CDK19: variants seen among roughly 807,000 people sequenced by gnomAD.
CDK19 encodes the protein cyclin dependent kinase 19, also known as cyclin-dependent kinase 19.
CDK19 carries 20 observed loss-of-function variants against 68.3 expected under a neutral mutation model. That is an observed-to-expected ratio of 0.29 (90% CI 0.21 to 0.43). CDK19 has a LOEUF of 0.43. CDK19 is among the 20% of genes least tolerant of loss of function. The pLI is 1.00. For synonymous variants in CDK19, 221 were observed against 222.8 expected, an observed-to-expected ratio of 0.99 and a Z score of 0.07; for missense variants, 339 against 623.5, an observed-to-expected ratio of 0.54 and a Z score of 4.86.
intron 4 of CDK19, among the ~76,000 whole-genome samples, chr6:110,651,232 A>ATCTATCTATCTAT (rs142094350): frequency 6.7e-6 from 1 of 149,820 alleles, no homozygotes; most frequent in African/African-American, 2.5e-5. Context: ...AAATAGATCT[A>ATCTATCTATCTAT]CTATCTATCT....
chr6:110,712,334 A>T (rs1775005363), intron 2 of CDK19, among the ~76,000 whole-genome samples: 1 of 152,208 alleles, frequency 6.6e-6, no homozygotes, highest in Non-Finnish European at 1.5e-5. Context: ...ATTTCCAGGT[A>T]CTAATACTCT....
intron 1 of CDK19, among the ~76,000 whole-genome samples, chr6:110,768,022 G>A (rs1276106158): frequency 6.6e-6 from 1 of 152,076 alleles, no homozygotes; most frequent in Non-Finnish European, 1.5e-5. Flanking sequence ...CCTTTCTTGA[G>A]AGGAGCTCTG....
intron 1 of CDK19, among the ~76,000 whole-genome samples, chr6:110,799,803 A>G (rs1782224240): frequency 1.3e-5 from 2 of 152,142 alleles, no homozygotes; most frequent in African/African-American, 2.4e-5. Flanking sequence ...AAGTCTCACT[A>G]TATTGCTTAG....
chr6:110,670,526 T>C lies in CDK19; in HGVS notation c.220A>G (p.Lys74Glu). The change falls in exon 3 of 13, where the codon AAG becomes GAG. Residue 74 changes from lysine to glutamate, a missense_variant. Transcript: ENST00000368911. ...TGCAATGCAATCACATTAGGGTGCTTCAATTCTCGCAAAAGCTGAATGCAA... is the reference window on the plus strand; with the variant it reads ...TGCAATGCAATCACATTAGGGTGCTCCAATTCTCGCAAAAGCTGAATGCAA... ...CREIALLREL[K>E]HPNVIALQKV... 6.2e-7 allele frequency: 1 copy of C among 1,609,554 alleles called. No homozygotes were observed. Among genetic ancestry groups the C allele is most frequent in the South Asian group, 1.1e-5 (1 of 90,940 alleles).
chr6:110,681,746 A>T (rs536880035), intron 2 of CDK19, among the ~76,000 whole-genome samples: 4 of 152,354 alleles, frequency 2.6e-5, no homozygotes, highest in African/African-American at 9.6e-5. Flanking sequence ...AACAGCAATT[A>T]AGTAGACCAT....
chr6:110,814,966 G>T, intron 1 of CDK19, 43 bp downstream of exon 1: 1 of 1,596,850 alleles, frequency 6.3e-7, no homozygotes, highest in Non-Finnish European at 8.5e-7. Flanking sequence ...CGCGGGCAGG[G>T]CGAGGACCCG....
chr6:110,763,410 T>G (rs561878760), intron 1 of CDK19, among the ~76,000 whole-genome samples: 1 of 147,434 alleles, frequency 6.8e-6, no homozygotes. Context: ...ACCACTCTTA[T>G]TATGTTTTTT....
At chr6:110,701,386 C>CAAA (rs58069740) in intron 2 of CDK19, among the ~76,000 whole-genome samples, 70 of 124,542 alleles carry the variant, frequency 5.6e-4, no homozygotes, top group African/African-American at 2.0e-3. Flanking sequence ...ACTAAAAATA[C>CAAA]AAAAAAAAAA....
intron 2 of CDK19, among the ~76,000 whole-genome samples, chr6:110,697,496 G>GA (rs1259216260): frequency 6.6e-6 from 1 of 152,078 alleles, no homozygotes; most frequent in Admixed American, 6.6e-5. Flanking sequence ...AAACACTGCT[G>GA]AAAGAAGTCA....
intron 4 of CDK19, among the ~76,000 whole-genome samples, chr6:110,661,949 A>G (rs188439190): frequency 0.014 from 2,112 of 149,296 alleles, 51 homozygotes; most frequent in African/African-American, 0.05. Flanking sequence ...AACTCCACAC[A>G]TTTTATTTAT....
rs548129906 is a variant in CDK19, at chr6:110,621,235, C to T, written c.1246G>A (p.Val416Ile). 4 of 1,613,216 alleles carry T rather than the reference C, an allele frequency of 2.5e-6. No homozygotes were observed. The highest frequency in any genetic ancestry group is 1.3e-5 in the African/African-American group (1 of 75,036). ...TGCAACCCTGCTCCGGTGCCCCCGA[C>T]CCCGGCCCCAGCCCCACCTGCGGTC... ...NGTAGGAGAGVGGTGAGLQHS... is the reference protein window; with the variant it reads ...NGTAGGAGAGIGGTGAGLQHS... Residue 416 changes from valine (V) to isoleucine (I), a missense_variant, in exon 12 of 13, where the codon GTC becomes ATC. Val to Ile is a conservative substitution (Grantham distance 29, BLOSUM62 3). Around this residue, in one of 4 missense-constraint regions of CDK19, gnomAD observed 155 missense variants for 222.7 expected, o/e 0.70. Transcript: ENST00000368911. This position sits in a 1 kb window ranked among gnomAD's most constrained non-coding sequence, Gnocchi z 5.4.
chr6:110,748,075 T>A (rs1159093131), intron 1 of CDK19, among the ~76,000 whole-genome samples: 1 of 152,192 alleles, frequency 6.6e-6, no homozygotes, highest in Non-Finnish European at 1.5e-5. Context: ...TTCTAAAAAA[T>A]TTTTCACATG....
chr6:110,781,015 T>C (rs1236780695), intron 1 of CDK19, among the ~76,000 whole-genome samples: 3 of 152,208 alleles, frequency 2.0e-5, no homozygotes, highest in East Asian at 3.8e-4. Flanking sequence ...TAGTTCTTTA[T>C]GCACATTATC....
chr6:110,740,172 C>A (rs1022147437), intron 2 of CDK19, among the ~76,000 whole-genome samples: 1 of 152,048 alleles, frequency 6.6e-6, no homozygotes, highest in South Asian at 2.1e-4. Context: ...CTTTTACCAG[C>A]CTTTTTCTAT....
chr6:110,722,951 C>T (rs543681742), intron 2 of CDK19, among the ~76,000 whole-genome samples: 1 of 151,958 alleles, frequency 6.6e-6, no homozygotes, highest in Admixed American at 6.6e-5. Flanking sequence ...AACTATTTAA[C>T]TATTGTGACA....
chr6:110,776,353 T>C (rs1383347981), intron 1 of CDK19, among the ~76,000 whole-genome samples: 1 of 151,260 alleles, frequency 6.6e-6, no homozygotes, highest in Non-Finnish European at 1.5e-5. Context: ...CGCTTGAACC[T>C]GGGAGGTGGA....
At chr6:110,629,547 G>A (rs1779309343) in intron 6 of CDK19, among the ~76,000 whole-genome samples, 1 of 152,114 alleles carries the variant, frequency 6.6e-6, no homozygotes. Flanking sequence ...TAGAGACGGG[G>A]ATTCACCATG....
chr6:110,638,494 T>G (rs1369027750), intron 5 of CDK19, among the ~76,000 whole-genome samples, 155 bp downstream of exon 5: 1 of 152,208 alleles, frequency 6.6e-6, no homozygotes, highest in Non-Finnish European at 1.5e-5. Context: ...CTAGGAGTTT[T>G]GTAGACTATC....
At chr6:110,668,534 A>C (rs552907688) in intron 3 of CDK19, among the ~76,000 whole-genome samples, 1 of 152,280 alleles carries the variant, frequency 6.6e-6, no homozygotes, top group African/African-American at 2.4e-5. Flanking sequence ...ACTTTTTAAC[A>C]GCTACATTAA....
Sources: gnomAD v4.1 joint callset for allele counts (sites outside exome capture counted in the v4.1 genomes callset) on GRCh38, gnomAD v4.1.1 for gene constraint, gnomAD v4.1.1 regional missense constraint, Gnocchi (gnomAD v3.1) non-coding constraint, MANE v1.5 for transcripts, NCBI Gene and HGNC (gene_info 2026-07-23, HGNC 2026-07-21) for gene names.